Variants in SUPT3H observed in about 807,000 individuals in gnomAD.
SUPT3H encodes transcription initiation protein SPT3 homolog.
A neutral mutation model predicts 44.3 loss-of-function variants in SUPT3H; 44 were observed. The observed-to-expected ratio is 0.99, with a 90% CI of 0.78 to 1.28. The LOEUF is 1.28. Among genes scored for constraint, SUPT3H ranks in the 50% most tolerant of loss-of-function variants. SUPT3H has a pLI of 0.00. For missense variants in SUPT3H, 380 were observed against 387.1 expected, an observed-to-expected ratio of 0.98 and a Z score of 0.15; for synonymous variants, 124 against 125.6, an observed-to-expected ratio of 0.99 and a Z score of 0.09.
intron 2 of SUPT3H, among the ~76,000 whole-genome samples, chr6:45,228,103 T>G (rs1390084094): frequency 6.6e-6 from 1 of 152,178 alleles, no homozygotes; most frequent in Non-Finnish European, 1.5e-5. Context: ...TATCTGCTCC[T>G]CAAGTGCAAT....
chr6:44,891,945 C>G (rs994729663), intron 10 of SUPT3H, among the ~76,000 whole-genome samples: 1 of 151,784 alleles, frequency 6.6e-6, no homozygotes, highest in Non-Finnish European at 1.5e-5. Context: ...CCTAAGTGTC[C>G]TAATAAAATC....
At chr6:45,228,429 T>C (rs1054101573) in intron 2 of SUPT3H, among the ~76,000 whole-genome samples, 2 of 152,140 alleles carry the variant, frequency 1.3e-5, no homozygotes, top group African/African-American at 4.8e-5. Context: ...CATGAGCTCT[T>C]CTTGCCTATT....
chr6:44,932,731 G>C lies in SUPT3H; in HGVS notation c.834C>G (p.Ser278Arg). The C allele has an allele frequency of 2.5e-6, 4 of 1,609,878 alleles. No homozygotes were observed. Among genetic ancestry groups the C allele is most frequent in the Non-Finnish European group, 3.4e-6 (4 of 1,178,264 alleles). ...STAACGVEAH[S>R]DAIQPCHIRE... The stretch of plus-strand genomic sequence containing the variant: ...TGATGTGGCAGGGCTGGATGGCATC[G>C]CTGTGAGCCTCAACACCACAGGCTG... Residue 278 changes from serine to arginine, a missense_variant, in exon 10 of 11, where the codon AGC becomes AGG. By Grantham distance (110) the Ser-to-Arg change is moderately radical (BLOSUM62 -1). Transcript: ENST00000371459.
intron 2 of SUPT3H, among the ~76,000 whole-genome samples, chr6:45,300,668 T>C (rs1001497454): frequency 1.3e-5 from 2 of 152,146 alleles, no homozygotes; most frequent in African/African-American, 4.8e-5. Flanking sequence ...TGAAAAGAGA[T>C]AGTGGTGACA....
chr6:45,327,137 G>C (rs189170936), intron 2 of SUPT3H, among the ~76,000 whole-genome samples: 1 of 152,028 alleles, frequency 6.6e-6, no homozygotes, highest in Admixed American at 6.6e-5. Context: ...CAAAAAAGGA[G>C]ATAGTTTCCC....
At chr6:45,157,179 A>C (rs1807967834) in intron 2 of SUPT3H, among the ~76,000 whole-genome samples, 1 of 152,158 alleles carries the variant, frequency 6.6e-6, no homozygotes, top group Admixed American at 6.6e-5. Flanking sequence ...ACATCGTAGA[A>C]AAGAGTTTCA....
chr6:44,975,103 G>C (rs557554668), intron 6 of SUPT3H, among the ~76,000 whole-genome samples: 1 of 152,002 alleles, frequency 6.6e-6, no homozygotes, highest in Non-Finnish European at 1.5e-5. Flanking sequence ...CCCAGGAGGC[G>C]GAGGGTGCAG....
At chr6:45,251,395 GCACACACACACA>G (rs70996313) in intron 2 of SUPT3H, among the ~76,000 whole-genome samples, 3,084 of 144,962 alleles carry the variant, frequency 0.021, 40 homozygotes, top group Non-Finnish European at 0.033. Context: ...AAGAGAAGCT[GCACACACACACA>G]CACACACACA....
At chr6:44,877,742 T>A (rs1337152423) in intron 10 of SUPT3H, among the ~76,000 whole-genome samples, 1 of 152,208 alleles carries the variant, frequency 6.6e-6, no homozygotes, top group Non-Finnish European at 1.5e-5. Flanking sequence ...ATGTTCAATT[T>A]TTTTTTGTCA....
chr6:45,226,608 T>TG (rs1766989747), intron 2 of SUPT3H, among the ~76,000 whole-genome samples: 1 of 152,132 alleles, frequency 6.6e-6, no homozygotes, highest in South Asian at 2.1e-4. Context: ...GGCGCAATCT[T>TG]GGCTCACTGC....
chr6:45,003,724 C>A lies in SUPT3H; in HGVS notation c.433G>T (p.Asp145Tyr). 1 of 1,613,758 alleles carries A rather than the reference C, an allele frequency of 6.2e-7. No individual in the cohort carries two copies. Residue 145 changes from aspartate (D) to tyrosine (Y), a missense_variant, in exon 6 of 11, where the codon GAC becomes TAC. Transcript: ENST00000371459. ...ATTGCTAAAAGTTCTCCTGTCTGGT[C>A]AATAGAGTTGAGGAAGTCCTGAGCA... ...KIAQDFLNSIDQTGELLAMFE... is the reference protein window; with the variant it reads ...KIAQDFLNSIYQTGELLAMFE...
At chr6:45,233,772 A>G (rs1482273810) in intron 2 of SUPT3H, among the ~76,000 whole-genome samples, 2 of 152,170 alleles carry the variant, frequency 1.3e-5, no homozygotes, top group East Asian at 1.9e-4. Flanking sequence ...TGCCTTAGCC[A>G]TTTAAACTGG....
chr6:45,017,654 G>A (rs1417703475), intron 4 of SUPT3H, among the ~76,000 whole-genome samples: 1 of 150,286 alleles, frequency 6.7e-6, no homozygotes, highest in Non-Finnish European at 1.5e-5. Context: ...CCAGATAGTT[G>A]TAGATATGCA....
At chr6:44,874,938 T>C (rs1321175063) in intron 10 of SUPT3H, among the ~76,000 whole-genome samples, 20 of 133,974 alleles carry the variant, frequency 1.5e-4, no homozygotes, top group Admixed American at 4.5e-4. Flanking sequence ...GGAATCCAAC[T>C]TACAAGGGAT....
At chr6:45,064,225 G>A in intron 3 of SUPT3H, among the ~76,000 whole-genome samples, 2 of 141,566 alleles carry the variant, frequency 1.4e-5, no homozygotes, top group African/African-American at 5.4e-5. Flanking sequence ...CATAAGTGAA[G>A]GAGAAATAAA....
intron 11 of SUPT3H, chr6:44,809,606 T>C (rs1440371819): frequency 6.6e-6 from 1 of 152,202 alleles, no homozygotes; most frequent in Non-Finnish European, 1.5e-5. Context: ...GCATTACAAA[T>C]AACACAAAGT....
At chr6:44,903,961 C>T (rs570871639) in intron 10 of SUPT3H, among the ~76,000 whole-genome samples, 2 of 152,232 alleles carry the variant, frequency 1.3e-5, no homozygotes, top group South Asian at 4.2e-4. Context: ...GCAGAAAAGG[C>T]CTTTGACAAA....
intron 2 of SUPT3H, among the ~76,000 whole-genome samples, chr6:45,247,365 GT>G (rs1304994790): frequency 1.3e-5 from 2 of 152,134 alleles, no homozygotes; most frequent in Non-Finnish European, 2.9e-5. Context: ...TATTTTGCCT[GT>G]TTTGGGCACA....
Position 44,847,580 on chromosome 6 carries a change from C to T in SUPT3H, c.913-17723G>A, listed in dbSNP as rs538310774. On this transcript the variant is annotated intron_variant, in intron 10 of 10. Coordinates refer to ENST00000371459, the MANE Select transcript of SUPT3H (RefSeq NM_003599.4). ...TTGGCTCACTACAACCTCCGCCTCC[C>T]GGGTTCAAGTGATTCTCCTGCCTCA... Among the ~76,000 whole-genome samples the T allele has an allele frequency of 9.9e-5, 15 of 151,856 alleles. No homozygotes were observed. In the East Asian group the frequency reaches 2.3e-3, roughly 24 times the overall value.
Sources: gnomAD v4.1 joint callset for allele counts (sites outside exome capture counted in the v4.1 genomes callset) on GRCh38, gnomAD v4.1.1 for gene constraint, MANE v1.5 for transcripts, NCBI Gene and HGNC (gene_info 2026-07-23, HGNC 2026-07-21) for gene names.